The following CTNNA3 variants were observed in gnomAD, a reference collection of about 807,000 sequenced individuals.
CTNNA3 encodes catenin alpha 3.
In CTNNA3, 76 loss-of-function variants were observed where a neutral mutation model predicts 95.7. The observed-to-expected ratio is 0.79, with a 90% CI of 0.66 to 0.96. CTNNA3 has a LOEUF of 0.96. Among genes scored for constraint, CTNNA3 ranks in the 40% least tolerant of loss-of-function variants. The pLI is 0.00. For synonymous variants in CTNNA3, 431 were observed against 374.4 expected (o/e 1.15, Z -1.74); for missense variants, 1,191 against 1,089.8 (o/e 1.09, Z -1.31).
chr10:67,203,774 T>A (rs979219071), intron 6 of CTNNA3, among the ~76,000 whole-genome samples: 1 of 152,238 alleles, frequency 6.6e-6, no homozygotes, highest in Non-Finnish European at 1.5e-5. Context: ...AAAATATTCC[T>A]CATTAACAAA....
intron 14 of CTNNA3, among the ~76,000 whole-genome samples, chr10:66,093,146 T>A (rs1201810308): frequency 5.3e-5 from 8 of 151,962 alleles, no homozygotes; most frequent in Admixed American, 2.6e-4. Flanking sequence ...TATAAGAAGT[T>A]TTGGATACTA....
chr10:67,490,123 G>A (rs975283776), intron 5 of CTNNA3, among the ~76,000 whole-genome samples: 3 of 152,146 alleles, frequency 2.0e-5, no homozygotes, highest in African/African-American at 4.8e-5. Flanking sequence ...ATCCAAGAGT[G>A]AAACTGATGC....
intron 12 of CTNNA3, among the ~76,000 whole-genome samples, chr10:66,289,230 G>A (rs890959715): frequency 5.3e-5 from 8 of 151,138 alleles, no homozygotes; most frequent in East Asian, 1.9e-4. Flanking sequence ...TTTATTTTCC[G>A]CATTAGCTGT....
intron 11 of CTNNA3, among the ~76,000 whole-genome samples, chr10:66,380,100 A>C (rs1448138094): frequency 6.6e-6 from 1 of 152,194 alleles, no homozygotes; most frequent in Admixed American, 6.5e-5. Context: ...ACACACACAG[A>C]AAACAATTAT....
intron 9 of CTNNA3, among the ~76,000 whole-genome samples, chr10:66,639,820 C>T (rs186330830): frequency 1.3e-5 from 2 of 152,208 alleles, no homozygotes; most frequent in African/African-American, 4.8e-5. Context: ...GCTAAAATAA[C>T]ATGAATAAAT....
intron 7 of CTNNA3, among the ~76,000 whole-genome samples, chr10:66,807,545 T>G (rs1841704573): frequency 6.6e-6 from 1 of 152,092 alleles, no homozygotes. Context: ...CCTCCTTGAT[T>G]GTGGTCATTG....
chr10:66,368,294 GTCAAGCAGAAAC>G (rs2092728313), intron 12 of CTNNA3, among the ~76,000 whole-genome samples: 2 of 152,158 alleles, frequency 1.3e-5, no homozygotes, highest in Non-Finnish European at 1.5e-5. Flanking sequence ...TCTAACAACA[GTCAAGCAGAAAC>G]TCACAGCTCC....
chr10:66,390,172 T>C (rs1159016578), intron 11 of CTNNA3, among the ~76,000 whole-genome samples: 4 of 152,200 alleles, frequency 2.6e-5, no homozygotes, highest in Non-Finnish European at 5.9e-5. Context: ...TATAAATCTA[T>C]AGTCCAGAGA....
At chr10:66,132,197 A>T (rs565194107) in intron 13 of CTNNA3, among the ~76,000 whole-genome samples, 1 of 152,342 alleles carries the variant, frequency 6.6e-6, no homozygotes, top group South Asian at 2.1e-4. Flanking sequence ...TAAGGAACTT[A>T]TACAAATCTA....
intron 2 of CTNNA3, among the ~76,000 whole-genome samples, chr10:67,622,822 A>G (rs1015505295): frequency 1.3e-5 from 2 of 152,224 alleles, no homozygotes; most frequent in Non-Finnish European, 2.9e-5. Flanking sequence ...CAACTCAGCT[A>G]TACTGAATCA....
chr10:66,529,929 G>C (rs944036398), intron 10 of CTNNA3, among the ~76,000 whole-genome samples: 1 of 152,144 alleles, frequency 6.6e-6, no homozygotes, highest in African/African-American at 2.4e-5. Flanking sequence ...AGAAATACAT[G>C]TATGCATACA....
chr10:67,416,636 T>C lies in CTNNA3; in HGVS notation c.579+105206A>G, dbSNP rs1405178771. Among the ~76,000 whole-genome samples, 192 of 124,308 alleles carry C rather than the reference T, an allele frequency of 1.5e-3. 4 individuals carry two copies. The highest frequency in any genetic ancestry group is 4.6e-4 in the Non-Finnish European group (27 of 59,176). The allele number at this position is 124,308 out of a possible 152,430, so 81.6% of individuals were successfully genotyped here. ...AAAAAAAAAAAAAAAAAAAAACAAGTGGACAAAGGACATGAACAGACACTT... is the reference window on the plus strand; with the variant it reads ...AAAAAAAAAAAAAAAAAAAAACAAGCGGACAAAGGACATGAACAGACACTT... On this transcript the variant is annotated intron_variant, in intron 5 of 17. Coordinates refer to ENST00000433211, the MANE Select transcript of CTNNA3 (RefSeq NM_013266.4).
chr10:67,648,318 T>C (rs1230971992), intron 1 of CTNNA3, among the ~76,000 whole-genome samples: 2 of 152,202 alleles, frequency 1.3e-5, no homozygotes, highest in Non-Finnish European at 2.9e-5. Flanking sequence ...AGCTATAATA[T>C]ATTATTTATT....
intron 7 of CTNNA3, among the ~76,000 whole-genome samples, chr10:66,903,237 A>G (rs1276265967): frequency 6.6e-6 from 1 of 152,234 alleles, no homozygotes; most frequent in East Asian, 1.9e-4. Context: ...ACAAATCAGT[A>G]AACATAATCC....
chr10:67,551,314 C>G (rs1841023289), intron 3 of CTNNA3, among the ~76,000 whole-genome samples: 1 of 152,196 alleles, frequency 6.6e-6, no homozygotes, highest in South Asian at 2.1e-4. Flanking sequence ...GGCCATCGAC[C>G]GGTGGAACGA....
intron 9 of CTNNA3, among the ~76,000 whole-genome samples, chr10:66,637,052 C>T (rs1180249796): frequency 6.6e-6 from 1 of 152,024 alleles, no homozygotes; most frequent in Non-Finnish European, 1.5e-5. Context: ...TTTAATAAAA[C>T]TCTAAAAATA....
At chr10:66,769,011 A>T (rs1448091903) in intron 8 of CTNNA3, among the ~76,000 whole-genome samples, 1 of 152,166 alleles carries the variant, frequency 6.6e-6, no homozygotes, top group Non-Finnish European at 1.5e-5. Context: ...TTTGATTGTG[A>T]CATGAAGAAG....
At chr10:67,709,503 GC>G (rs1841095294) in intron 1 of CTNNA3, among the ~76,000 whole-genome samples, 1 of 152,084 alleles carries the variant, frequency 6.6e-6, no homozygotes, top group African/African-American at 2.4e-5. Context: ...CAAAACTGTA[GC>G]TGACCTTCTG....
chr10:66,486,039 C>G (rs1159232111), intron 11 of CTNNA3, among the ~76,000 whole-genome samples: 1 of 152,160 alleles, frequency 6.6e-6, no homozygotes. Flanking sequence ...TTAGGCCCTT[C>G]TCTCACACCA....
Sources: allele counts gnomAD v4.1 joint callset (sites outside exome capture counted in the v4.1 genomes callset), GRCh38; gene constraint gnomAD v4.1.1; transcripts MANE v1.5; gene names NCBI Gene and HGNC (gene_info 2026-07-23, HGNC 2026-07-21).